NUP98: variants seen among roughly 807,000 people sequenced by gnomAD.
The protein encoded by NUP98 is nuclear pore complex protein Nup98-Nup96.
A neutral mutation model predicts 191.9 loss-of-function variants in NUP98; 26 were observed. The observed-to-expected ratio is 0.14, with a 90% CI of 0.10 to 0.19. NUP98 has a LOEUF of 0.19. NUP98 is among the 10% of genes least tolerant of loss of function. The pLI, the probability that NUP98 is intolerant of heterozygous loss-of-function variation, is 1.00. For synonymous variants in NUP98, 808 were observed against 778.4 expected, an observed-to-expected ratio of 1.04 and a Z score of -0.63; for missense variants, 1,941 against 2,178.8, an observed-to-expected ratio of 0.89 and a Z score of 2.17.
intron 12 of NUP98, among the ~76,000 whole-genome samples, chr11:3,737,295 T>C (rs1381831109): frequency 8.6e-6 from 1 of 115,900 alleles, no homozygotes; most frequent in Non-Finnish European, 1.8e-5. Flanking sequence ...TTGTGGGGAG[T>C]GGGTGGAGAA....
At chr11:3,740,989 T>C (rs1324596314) in intron 12 of NUP98, among the ~76,000 whole-genome samples, 1 of 151,808 alleles carries the variant, frequency 6.6e-6, no homozygotes, top group Non-Finnish European at 1.5e-5. Context: ...TGGCTAGTTT[T>C]TCTATTTGTG....
intron 25 of NUP98, among the ~76,000 whole-genome samples, chr11:3,697,818 CT>C (rs1338992548): frequency 4.5e-5 from 2 of 44,838 alleles, no homozygotes; most frequent in African/African-American, 1.9e-4. Flanking sequence ...CAGACTCTGT[CT>C]TAAAAAAAAA....
Position 3,796,659 on chromosome 11 carries a change from T to C in NUP98, c.-29+741A>G, listed in dbSNP as rs527918701. The stretch of plus-strand genomic sequence containing the variant: ...AATTCTTAATAATGGGAGACTGAAA[T>C]ATCCAGGGAGGGTGAGGTAGTAGAA... On this transcript the variant is annotated intron_variant, in intron 1 of 32. Transcript: ENST00000324932. Among the ~76,000 whole-genome samples, 4 of 152,282 alleles carry C rather than the reference T, an allele frequency of 2.6e-5. No homozygotes were observed. The South Asian group carries it at 8.3e-4, about 32-fold the overall frequency.
chr11:3,738,645 GAC>G (rs1375095635), intron 12 of NUP98, among the ~76,000 whole-genome samples: 2 of 152,046 alleles, frequency 1.3e-5, no homozygotes, highest in Admixed American at 6.6e-5. Context: ...CGGGCATGGT[GAC>G]ACATACCTGT....
intron 14 of NUP98, 54 bp downstream of exon 14, chr11:3,731,337 T>G: frequency 3.6e-6 from 4 of 1,125,616 alleles, no homozygotes; most frequent in Non-Finnish European, 4.9e-6. Flanking sequence ...TTATTTCATA[T>G]TTAGTTTATA....
intron 28 of NUP98, among the ~76,000 whole-genome samples, chr11:3,690,451 AG>A (rs1440862460): frequency 6.6e-6 from 1 of 151,490 alleles, no homozygotes; most frequent in Admixed American, 6.6e-5. Context: ...TAGTAGAGAC[AG>A]GGTTTCACTG....
chr11:3,766,896 T>C, intron 8 of NUP98, among the ~76,000 whole-genome samples: 1 of 152,232 alleles, frequency 6.6e-6, no homozygotes, highest in East Asian at 1.9e-4. Flanking sequence ...ATTACAATGA[T>C]TAATGATCAT....
intron 9 of NUP98, among the ~76,000 whole-genome samples, chr11:3,761,390 G>T (rs928815189): frequency 6.6e-6 from 1 of 152,130 alleles, no homozygotes. Flanking sequence ...ATTCTGAAAG[G>T]CCAAGGCGGA....
chr11:3,762,370 C>T (rs1247640099), intron 9 of NUP98, among the ~76,000 whole-genome samples: 2 of 151,994 alleles, frequency 1.3e-5, no homozygotes, highest in Non-Finnish European at 2.9e-5. Context: ...GATCCACCCA[C>T]CTCGGCCTCC....
At chr11:3,691,906 A>T (rs2078324143) in intron 27 of NUP98, among the ~76,000 whole-genome samples, 1 of 152,196 alleles carries the variant, frequency 6.6e-6, no homozygotes, top group Non-Finnish European at 1.5e-5. Context: ...GAATGAATAG[A>T]CAGCCATGTG....
intron 31 of NUP98, among the ~76,000 whole-genome samples, chr11:3,676,866 A>G (rs973624342): frequency 1.3e-5 from 2 of 152,208 alleles, no homozygotes; most frequent in Non-Finnish European, 1.5e-5. Flanking sequence ...ATCCCGAACT[A>G]TACAGCAAGC....
chr11:3,794,056 G>C (rs904491588), intron 1 of NUP98, among the ~76,000 whole-genome samples: 3 of 152,140 alleles, frequency 2.0e-5, no homozygotes, highest in African/African-American at 7.2e-5. Context: ...AATTTCTTCA[G>C]ACATTCCTGA....
chr11:3,769,115 T>C (rs182777399), intron 7 of NUP98, among the ~76,000 whole-genome samples: 1 of 152,258 alleles, frequency 6.6e-6, no homozygotes, highest in East Asian at 1.9e-4. Flanking sequence ...GCCCAGAGTC[T>C]GATATGTAAT....
intron 8 of NUP98, 70 bp downstream of exon 8, chr11:3,768,511 C>A: frequency 7.4e-7 from 1 of 1,345,888 alleles, no homozygotes; most frequent in Admixed American, 2.5e-5. Flanking sequence ...GCTAGTTTGA[C>A]ATGATTAGAA....
At chr11:3,766,689 CAAAAAAAAA>C (rs544567161) in intron 8 of NUP98, among the ~76,000 whole-genome samples, 1 of 58,886 alleles carries the variant, frequency 1.7e-5, no homozygotes, top group Non-Finnish European at 3.6e-5. Flanking sequence ...AACTCCGTCT[CAAAAAAAAA>C]AAAAAAAAAA....
intron 20 of NUP98, among the ~76,000 whole-genome samples, chr11:3,707,754 A>AAAAAAAAAAAAAAAAAAAAAAAC (rs71041376): frequency 2.0e-5 from 3 of 146,714 alleles, no homozygotes; most frequent in Admixed American, 6.8e-5. Flanking sequence ...AAAAAAAAAA[A>AAAAAAAAAAAAAAAAAAAAAAAC]TCCTGAAGGA....
chr11:3,747,978 T>G (rs986814276), intron 11 of NUP98, among the ~76,000 whole-genome samples: 19 of 152,236 alleles, frequency 1.2e-4, no homozygotes, highest in Admixed American at 5.9e-4. Flanking sequence ...CATGATATGC[T>G]GCTGCTAAGG....
At chr11:3,680,633 G>A (rs886768819) in intron 30 of NUP98, among the ~76,000 whole-genome samples, 10 of 151,714 alleles carry the variant, frequency 6.6e-5, no homozygotes, top group African/African-American at 2.4e-4. Context: ...CCTCTGCCTC[G>A]CAGGCTCAAG....
In NUP98 at chr11:3,776,033, A is replaced by C. The variant is rs1379204162; in HGVS notation, c.356-12T>G. On this transcript the variant is annotated splice_polypyrimidine_tract_variant and intron_variant, in intron 4 of 32. Coordinates refer to ENST00000324932, the MANE Select transcript of NUP98 (RefSeq NM_016320.5). Reference sequence around the variant, plus strand: ...ACTGGTTCCAAAATCTAAAAATAAGAAAGAAAAATGAGACGATAACAGTAA... The same window carrying C: ...ACTGGTTCCAAAATCTAAAAATAAGCAAGAAAAATGAGACGATAACAGTAA... 2.5e-6 allele frequency: 4 copies of C among 1,596,988 alleles called. No individual in the cohort carries two copies. Among genetic ancestry groups the C allele is most frequent in the Non-Finnish European group, 3.4e-6 (4 of 1,172,254 alleles).
Sources: allele counts gnomAD v4.1 joint callset (sites outside exome capture counted in the v4.1 genomes callset), GRCh38; gene constraint gnomAD v4.1.1; transcripts MANE v1.5; gene names NCBI Gene and HGNC (gene_info 2026-07-23, HGNC 2026-07-21).